SNX14: variants seen among roughly 807,000 people sequenced by gnomAD.
SNX14 encodes sorting nexin 14, also known as sorting nexin-14.
In SNX14, 93 loss-of-function variants were observed where a neutral mutation model predicts 133.8. The observed-to-expected ratio is 0.70, with a 90% CI of 0.59 to 0.83. The LOEUF is 0.83. SNX14 is among the 40% of genes least tolerant of loss of function. SNX14 has a pLI of 0.00. For synonymous variants in SNX14, 368 were observed against 365.6 expected, an observed-to-expected ratio of 1.01 and a Z score of -0.07; for missense variants, 945 against 1,094.9, an observed-to-expected ratio of 0.86 and a Z score of 1.93.
At position 85,520,015 on chromosome 6, in the gene SNX14, CAGT is replaced by C. The variant is rs548244244; in HGVS notation, c.2108-1970_2108-1968del. On this transcript the variant is annotated intron_variant, in intron 21 of 28. Transcript: ENST00000314673. ...TATATTTAGAAATATTGCTTTTATA[CAGT>C]AGTAGTAGTAGTAGTAGTAGTAGCA... 4.9e-3 allele frequency among the ~76,000 whole-genome samples: 738 copies of C among 150,648 alleles called. 5 individuals carry two copies. Among genetic ancestry groups the C allele is most frequent in the African/African-American group, 5.8e-3 (238 of 41,042 alleles).
intron 4 of SNX14, among the ~76,000 whole-genome samples, chr6:85,570,713 C>T (rs890452204): frequency 6.6e-6 from 1 of 151,820 alleles, no homozygotes; most frequent in Non-Finnish European, 1.5e-5. Flanking sequence ...ATTAGCTGGG[C>T]GTGGTGGTGT....
rs777127996 is a variant in SNX14 at position 85,517,750 on chromosome 6, C to A, written c.2268+6G>T. 1.6e-5 allele frequency: 26 copies of A among 1,590,188 alleles called. No homozygotes were observed. Among genetic ancestry groups the A allele is most frequent in the Non-Finnish European group, 2.1e-5 (25 of 1,173,938 alleles). The stretch of plus-strand genomic sequence containing the variant: ...CTTAATAGTTCTTTAATGCAATGTG[C>A]AGTACCTTCTTGTTGTTTTCTGAAG... On this transcript the variant is annotated splice_donor_region_variant and intron_variant, in intron 23 of 28. Transcript: ENST00000314673.
At chr6:85,549,059 TA>T (rs1786838249) in intron 8 of SNX14, among the ~76,000 whole-genome samples, 2 of 151,860 alleles carry the variant, frequency 1.3e-5, no homozygotes, top group South Asian at 4.1e-4. Flanking sequence ...ATGTTTAATG[TA>T]ATTACCTTAT....
chr6:85,585,918 A>G (rs530348030), intron 1 of SNX14, among the ~76,000 whole-genome samples: 8 of 152,076 alleles, frequency 5.3e-5, no homozygotes, highest in Admixed American at 5.2e-4. Context: ...CCTATCTTAC[A>G]TATCCACTGA....
intron 7 of SNX14, among the ~76,000 whole-genome samples, chr6:85,554,866 C>CTGGA (rs1789121523): frequency 6.6e-6 from 1 of 152,014 alleles, no homozygotes; most frequent in Non-Finnish European, 1.5e-5. Flanking sequence ...GTTGCCCAGG[C>CTGGA]TGGAGTGTAA....
chr6:85,588,735 A>G (rs1801834430), intron 1 of SNX14: 1 of 324,904 alleles, frequency 3.1e-6, no homozygotes, highest in Non-Finnish European at 6.2e-6. Flanking sequence ...CAAAAGCCTT[A>G]CCAATACAGT....
At chr6:85,517,668 A>C (rs896132942) in intron 23 of SNX14, 88 bp downstream of exon 23, 17 of 1,426,608 alleles carry the variant, frequency 1.2e-5, no homozygotes, top group Non-Finnish European at 1.6e-5. Context: ...CATTTCATTA[A>C]CAAAGTATTC....
At chr6:85,515,458 G>A (rs1369168723) in intron 23 of SNX14, among the ~76,000 whole-genome samples, 1 of 151,778 alleles carries the variant, frequency 6.6e-6, no homozygotes, top group African/African-American at 2.4e-5. Context: ...GCCAGAGATT[G>A]CACCACTGCA....
intron 6 of SNX14, among the ~76,000 whole-genome samples, chr6:85,564,765 G>A (rs1457661926): frequency 2.0e-5 from 3 of 152,116 alleles, no homozygotes; most frequent in Admixed American, 6.6e-5. Flanking sequence ...AGAGGTGGGC[G>A]GATCACAATG....
At position 85,514,635 on chromosome 6, in the gene SNX14, A is replaced by G; in HGVS notation, c.2269-6T>C. 1 of 1,608,238 alleles carries G rather than the reference A, an allele frequency of 6.2e-7. No homozygotes were observed. The highest frequency in any genetic ancestry group is 1.1e-5 in the South Asian group (1 of 90,954). On this transcript the variant is annotated splice_region_variant and splice_polypyrimidine_tract_variant and intron_variant, in intron 23 of 28. Coordinates refer to ENST00000314673, the MANE Select transcript of SNX14 (RefSeq NM_153816.6). The stretch of plus-strand genomic sequence containing the variant: ...TTAAACAGATCATTGAAAAGCTAAA[A>G]TAAAAGTTGGAATAATAAAGAGATA...
chr6:85,524,815 A>G (rs1778061507), intron 21 of SNX14, among the ~76,000 whole-genome samples: 1 of 151,692 alleles, frequency 6.6e-6, no homozygotes, highest in Non-Finnish European at 1.5e-5. Context: ...CCAGTCACTG[A>G]TAACCAGCAG....
At position 85,514,128 on chromosome 6, in the gene SNX14, A is replaced by G. The variant is rs752773463; in HGVS notation, c.2499T>C (p.Cys833=). The G allele has an allele frequency of 2.5e-6, 4 of 1,614,042 alleles. No individual in the cohort carries two copies. The highest frequency in any genetic ancestry group is 3.4e-6 in the Non-Finnish European group (4 of 1,179,950). The stretch of plus-strand genomic sequence containing the variant: ...GCTCCTGAAATAGCTGTTCTAGTTT[A>G]CACTGAAGATAGTAATCAGTATACA... ...LEMYTDYYLQ[C]KLEQLFQEHR... is the part of the protein sequence containing the mutation. The change falls in exon 25 of 29, where the codon TGT becomes TGC. Residue 833 remains cysteine (C), a synonymous_variant. Coordinates refer to ENST00000314673, the MANE Select transcript of SNX14 (RefSeq NM_153816.6).
In SNX14 at chr6:85,533,623, C is replaced by T; in HGVS notation, c.1786G>A (p.Val596Ile). ...KERIPVFCID[V>I]ERNDRRAVGH... ...CCTGCTCTTCTATCATTTCTTTCAACATCAATACAAAACACAGGAATTCTT... is the reference window on the plus strand; with the variant it reads ...CCTGCTCTTCTATCATTTCTTTCAATATCAATACAAAACACAGGAATTCTT... The change falls in exon 18 of 29, where the codon GTT (valine) becomes ATT (isoleucine). Residue 596 changes from valine to isoleucine, a missense_variant. Val to Ile is a conservative substitution (Grantham distance 29). This residue lies in a region of SNX14 where 412 missense variants were observed against 516.6 expected (regional missense o/e 0.80). Coordinates refer to ENST00000314673, the MANE Select transcript of SNX14 (RefSeq NM_153816.6). 6.2e-7 allele frequency: 1 copy of T among 1,613,304 alleles called. No homozygotes were observed. The highest frequency in any genetic ancestry group is 1.7e-4 in the Middle Eastern group (1 of 6,034).
chr6:85,577,247 C>G (rs1045275157), intron 1 of SNX14, among the ~76,000 whole-genome samples: 5 of 152,048 alleles, frequency 3.3e-5, no homozygotes, highest in Admixed American at 2.0e-4. Flanking sequence ...AACCGCATCT[C>G]TACTAAAAAT....
intron 21 of SNX14, among the ~76,000 whole-genome samples, chr6:85,524,653 G>A (rs563049603): frequency 6.6e-6 from 1 of 152,034 alleles, no homozygotes; most frequent in East Asian, 1.9e-4. Flanking sequence ...GTGTCATGGT[G>A]GGCACCTGTA....
intron 1 of SNX14, among the ~76,000 whole-genome samples, chr6:85,586,236 T>C (rs1449840789): frequency 6.6e-6 from 1 of 152,224 alleles, no homozygotes; most frequent in Non-Finnish European, 1.5e-5. Flanking sequence ...CCTGTTTTTG[T>C]ATGCCCCTCA....
chr6:85,507,916 G>A (rs530123216), intron 27 of SNX14, 52 bp downstream of exon 27: 18 of 1,432,738 alleles, frequency 1.3e-5, no homozygotes, highest in African/African-American at 2.8e-5. Context: ...ACCTTACTAC[G>A]TCGTTCACCA....
In SNX14 at chr6:85,574,110, TAAAAAAAACA is replaced by T. The variant is rs1041120866; in HGVS notation, c.261+138_261+147del. The T allele has an allele frequency of 1.4e-5, 6 of 433,566 alleles. No homozygotes were observed. The African/African-American group carries it at 2.6e-4, about 19-fold the overall frequency. 26.9% of individuals were successfully genotyped at this position (433,566 alleles called of 1,614,324 possible). ...AAATCACTGCTTTTAGCAGAGTACCTAAAAAAAACAAAAAAAAAAAAGAGAAGAAATTGAA... is the reference window on the plus strand; with the variant it reads ...AAATCACTGCTTTTAGCAGAGTACCTAAAAAAAAAAAGAGAAGAAATTGAA... On this transcript the variant is annotated intron_variant, in intron 2 of 28. Transcript: ENST00000314673.
chr6:85,507,203 T>C lies in SNX14; in HGVS notation c.2802+30A>G, dbSNP rs547833614. ...AAATGTCAGCATACCATTAAGAAAA[T>C]CATGAATAAAATTACTGCTTTTCAG... On this transcript the variant is annotated intron_variant, in intron 28 of 28. Coordinates refer to ENST00000314673, the MANE Select transcript of SNX14 (RefSeq NM_153816.6). The C allele has an allele frequency of 8.3e-6, 13 of 1,568,238 alleles. No individual in the cohort carries two copies. The South Asian group carries it at 1.5e-4, about 18-fold the overall frequency.
Sources: allele counts gnomAD v4.1 joint callset (sites outside exome capture counted in the v4.1 genomes callset), GRCh38; gene constraint gnomAD v4.1.1; regional missense constraint gnomAD v4.1.1; transcripts MANE v1.5; gene names NCBI Gene and HGNC (gene_info 2026-07-23, HGNC 2026-07-21).